Variants in OSCP1 observed in about 807,000 individuals in gnomAD.
OSCP1 encodes the protein organic solute carrier partner 1.
In OSCP1, 35 loss-of-function variants were observed where a neutral mutation model predicts 45.1. The observed-to-expected ratio is 0.78, with a 90% CI of 0.59 to 1.03. OSCP1 has a LOEUF of 1.03. Among genes scored for constraint, OSCP1 ranks in the 50% least tolerant of loss-of-function variants. The pLI is 0.00. For synonymous variants in OSCP1, 179 were observed against 180.1 expected (o/e 0.99, Z 0.05); for missense variants, 400 against 470.7 (o/e 0.85, Z 1.39).
In OSCP1 at chr1:36,422,219, C is replaced by A; in HGVS notation, c.750G>T (p.Met250Ile). 6.2e-7 allele frequency: 1 copy of A among 1,613,940 alleles called. No individual in the cohort carries two copies. Among genetic ancestry groups the A allele is most frequent in the Non-Finnish European group, 8.5e-7 (1 of 1,179,802 alleles). ...TTTCCACAGGCTGATTCACGCTGTA[C>A]CTGGTGTGTCAACAGAAAATGGTGA... is the stretch of plus-strand genomic sequence containing the variant. Reference protein sequence around the residue: ...GDRVLKLGTNMYSVNQPVETH... With the variant: ...GDRVLKLGTNIYSVNQPVETH... The change falls in exon 7 of 10, where the codon ATG (methionine) becomes ATT (isoleucine). Residue 250 changes from methionine (M) to isoleucine (I), a missense_variant and splice_region_variant. Met to Ile is a conservative substitution (Grantham distance 10). Coordinates refer to ENST00000235532, the MANE Select transcript of OSCP1 (RefSeq NM_145047.5).
chr1:36,449,697 T>TGTG (rs199970885), intron 1 of OSCP1, among the ~76,000 whole-genome samples: 15,442 of 150,042 alleles, frequency 0.1, 926 homozygotes, highest in East Asian at 0.29. Flanking sequence ...ATTAGCTGGG[T>TGTG]GTGGTGGTGC....
rs765420878 is a variant in OSCP1, at chr1:36,432,445, C to G, written c.412G>C (p.Glu138Gln). 1 of 1,613,964 alleles carries G rather than the reference C, an allele frequency of 6.2e-7. No homozygotes were observed. The highest frequency in any genetic ancestry group is 8.5e-7 in the Non-Finnish European group (1 of 1,180,004). Reference protein sequence around the residue: ...DSPTILQQVDETLRQLTEIYG... With the variant: ...DSPTILQQVDQTLRQLTEIYG... ...ACTTCTGTCAGCTGCCGCAAAGTCT[C>G]GTCCACTTGCTGCAGGATGGTTGGG... Residue 138 changes from glutamate (E) to glutamine (Q), a missense_variant, in exon 3 of 10, where the codon GAG (glutamate) becomes CAG (glutamine). Coordinates refer to ENST00000235532, the MANE Select transcript of OSCP1 (RefSeq NM_145047.5).
At chr1:36,432,309 G>T in intron 3 of OSCP1, 113 bp downstream of exon 3, 1 of 1,262,298 alleles carries the variant, frequency 7.9e-7, no homozygotes, top group African/African-American at 1.5e-5. Context: ...TGGGAGAGTG[G>T]CAGGCTTTGC....
intron 4 of OSCP1, among the ~76,000 whole-genome samples, chr1:36,430,062 G>A (rs1489998339): frequency 6.6e-6 from 1 of 152,170 alleles, no homozygotes; most frequent in Non-Finnish European, 1.5e-5. Flanking sequence ...CTCCCAAAGT[G>A]CTGGGATTAC....
At chr1:36,426,842 A>G (rs1281488182) in intron 4 of OSCP1, among the ~76,000 whole-genome samples, 1 of 151,916 alleles carries the variant, frequency 6.6e-6, no homozygotes, top group Non-Finnish European at 1.5e-5. Context: ...AATAGCCGGG[A>G]CTACAGGCAT....
At chr1:36,448,513 A>G (rs966872441) in intron 1 of OSCP1, among the ~76,000 whole-genome samples, 2 of 152,194 alleles carry the variant, frequency 1.3e-5, no homozygotes, top group Admixed American at 6.5e-5. Context: ...ATCAAGCGGG[A>G]GATAGACATA....
At chr1:36,443,718 G>T (rs1157209764) in intron 1 of OSCP1, among the ~76,000 whole-genome samples, 1 of 152,186 alleles carries the variant, frequency 6.6e-6, no homozygotes, top group Non-Finnish European at 1.5e-5. Flanking sequence ...TATTGCCCCA[G>T]CTGTCCCAGC....
At chr1:36,449,529 A>G (rs1481696850) in intron 1 of OSCP1, among the ~76,000 whole-genome samples, 1 of 152,148 alleles carries the variant, frequency 6.6e-6, no homozygotes, top group Non-Finnish European at 1.5e-5. Flanking sequence ...AGATACTACC[A>G]TAAAGAAATT....
rs1647735995 is a variant in OSCP1, at chr1:36,422,828, G to A, written c.689C>T (p.Ala230Val). The A allele has an allele frequency of 6.2e-7, 1 of 1,609,496 alleles. No homozygotes were observed. Among genetic ancestry groups the A allele is most frequent in the Non-Finnish European group, 8.5e-7 (1 of 1,177,536 alleles). ...AAGTTCAAAAGAACCTTCTTTGGGTGCAGGGACATAGTTTCCACCATGCTT... is the reference window on the plus strand; with the variant it reads ...AAGTTCAAAAGAACCTTCTTTGGGTACAGGGACATAGTTTCCACCATGCTT... ...EFKHGGNYVP[A>V]PKEGSFELYG... Residue 230 changes from alanine (A) to valine (V), a missense_variant, in exon 6 of 10, where the codon GCA becomes GTA. By Grantham distance (64) the Ala-to-Val change is moderately conservative. Transcript: ENST00000235532.
chr1:36,434,151 G>T (rs567995225), intron 2 of OSCP1, among the ~76,000 whole-genome samples: 8 of 152,162 alleles, frequency 5.3e-5, no homozygotes, highest in African/African-American at 1.7e-4. Flanking sequence ...GAAGATGGAC[G>T]GTTAACTTAA....
At chr1:36,430,862 C>T (rs1000173207) in intron 4 of OSCP1, among the ~76,000 whole-genome samples, 2 of 152,108 alleles carry the variant, frequency 1.3e-5, no homozygotes, top group African/African-American at 4.8e-5. Context: ...ACCATGTTGG[C>T]CAGGCTGGTC....
At chr1:36,433,956 A>G (rs1313885719) in intron 2 of OSCP1, among the ~76,000 whole-genome samples, 2 of 152,234 alleles carry the variant, frequency 1.3e-5, no homozygotes, top group African/African-American at 4.8e-5. Flanking sequence ...AGTCAGGGAA[A>G]GGAAGATCAC....
chr1:36,427,126 G>T (rs1464280729), intron 4 of OSCP1, among the ~76,000 whole-genome samples: 1 of 151,064 alleles, frequency 6.6e-6, no homozygotes, highest in Admixed American at 6.6e-5. Context: ...TCAGCCTCCC[G>T]AGTAGCTGGG....
At chr1:36,438,664 T>G in intron 2 of OSCP1, 92 bp downstream of exon 2, 3 of 1,441,446 alleles carry the variant, frequency 2.1e-6, no homozygotes, top group African/African-American at 1.4e-5. Flanking sequence ...CAAGGACCAT[T>G]GCATACATCA....
chr1:36,422,016 G>A (rs140578079), intron 7 of OSCP1, 134 bp downstream of exon 7: 174 of 813,490 alleles, frequency 2.1e-4, no homozygotes, highest in Middle Eastern at 1.0e-3. Flanking sequence ...CTCGTAAGGT[G>A]GAATGGAGAA....
intron 9 of OSCP1, 61 bp downstream of exon 9, chr1:36,418,929 GA>G (rs556476081): frequency 0.041 from 43,042 of 1,040,166 alleles, no homozygotes; most frequent in South Asian, 0.044. Flanking sequence ...CCTGTCTCAA[GA>G]AAAAAAAAAA....
Position 36,419,051 on chromosome 1 carries a change from T to A in OSCP1, c.963A>T (p.Gln321His). ...NLFTTDEEEE[Q>H]AALTRPEELS... ...ACTCTTCTGGCCTGGTTAGCGCTGCTTGTCTGGATGAGATGGTAAAGAAAA... is the reference window on the plus strand; with the variant it reads ...ACTCTTCTGGCCTGGTTAGCGCTGCATGTCTGGATGAGATGGTAAAGAAAA... Residue 321 changes from glutamine to histidine, a missense_variant, in exon 9 of 10, where the codon CAA (glutamine) becomes CAT (histidine). Transcript: ENST00000235532. The A allele has an allele frequency of 1.2e-6, 2 of 1,611,834 alleles. No individual in the cohort carries two copies. Among genetic ancestry groups the A allele is most frequent in the East Asian group, 4.5e-5 (2 of 44,880 alleles).
chr1:36,418,413 G>T, intron 9 of OSCP1, 158 bp from the exon 10 acceptor site: 1 of 637,106 alleles, frequency 1.6e-6, no homozygotes, highest in Non-Finnish European at 2.8e-6. Context: ...TGATCAGAGA[G>T]AAGAAGAGGG....
intron 8 of OSCP1, 164 bp from the exon 9 acceptor site, chr1:36,419,218 A>G: frequency 1.5e-6 from 1 of 650,022 alleles, no homozygotes; most frequent in Non-Finnish European, 2.7e-6. Flanking sequence ...CGACCTAGAA[A>G]GTCAAGTTCT....
Sources: gnomAD v4.1 joint callset for allele counts (sites outside exome capture counted in the v4.1 genomes callset) on GRCh38, gnomAD v4.1.1 for gene constraint, MANE v1.5 for transcripts, NCBI Gene and HGNC (gene_info 2026-07-23, HGNC 2026-07-21) for gene names.